PLCB1: variants seen among roughly 807,000 people sequenced by gnomAD.
PLCB1 encodes 1-phosphatidylinositol 4,5-bisphosphate phosphodiesterase beta-1.
Under a neutral mutation model 161.8 loss-of-function variants are expected in PLCB1, and 46 were observed. The observed-to-expected ratio is 0.28, with a 90% CI of 0.22 to 0.36. The LOEUF is 0.36. Ranked by LOEUF, PLCB1 falls within the 10% of genes least tolerant of loss-of-function variation. The pLI is 1.00. For synonymous variants in PLCB1, 517 were observed against 503.7 expected, an observed-to-expected ratio of 1.03 and a Z score of -0.35; for missense variants, 1,016 against 1,472.5, an observed-to-expected ratio of 0.69 and a Z score of 5.07.
chr20:8,744,914 ATG>A (rs1981090406), intron 23 of PLCB1, among the ~76,000 whole-genome samples: 1 of 152,120 alleles, frequency 6.6e-6, no homozygotes, highest in South Asian at 2.1e-4. Context: ...GGAGGATAAA[ATG>A]TACAAAAATA....
chr20:8,703,925 A>T (rs1026885140), intron 11 of PLCB1, among the ~76,000 whole-genome samples: 1 of 152,160 alleles, frequency 6.6e-6, no homozygotes, highest in African/African-American at 2.4e-5. Context: ...GGAGGGGAGG[A>T]GGGGTCTTAC....
At chr20:8,178,523 A>T (rs7261740) in intron 2 of PLCB1, among the ~76,000 whole-genome samples, 2,951 of 152,116 alleles carry the variant, frequency 0.019, 91 homozygotes, top group African/African-American at 0.065. Context: ...TAAATTTGTT[A>T]TAGATTCTGG....
At chr20:8,507,559 A>G (rs943754231) in intron 3 of PLCB1, among the ~76,000 whole-genome samples, 13 of 152,204 alleles carry the variant, frequency 8.5e-5, no homozygotes, top group African/African-American at 3.1e-4. Flanking sequence ...TCCATGTGTC[A>G]CAACCAACAG....
intron 31 of PLCB1, among the ~76,000 whole-genome samples, chr20:8,825,193 C>T (rs1392423220): frequency 6.6e-6 from 1 of 152,062 alleles, no homozygotes; most frequent in African/African-American, 2.4e-5. Flanking sequence ...TTTACCCCCC[C>T]AAAAAAGGAG....
At chr20:8,293,104 TA>T (rs527634082) in intron 2 of PLCB1, among the ~76,000 whole-genome samples, 4 of 152,070 alleles carry the variant, frequency 2.6e-5, no homozygotes, top group South Asian at 2.1e-4. Flanking sequence ...ACTGATCTCT[TA>T]AAAAAAAGTC....
chr20:8,798,187 ACT>A (rs956324322), intron 31 of PLCB1, among the ~76,000 whole-genome samples: 3 of 144,750 alleles, frequency 2.1e-5, no homozygotes, highest in Admixed American at 6.9e-5. Flanking sequence ...ACAGCGCAAG[ACT>A]CTATATCGAA....
chr20:8,729,322 TA>T, intron 18 of PLCB1, 148 bp downstream of exon 18: 3 of 542,836 alleles, frequency 5.5e-6, no homozygotes, highest in East Asian at 3.3e-5. Flanking sequence ...TATCAATGCA[TA>T]AAAAAAGTGA....
At chr20:8,776,104 T>C (rs1001671919) in intron 27 of PLCB1, among the ~76,000 whole-genome samples, 1 of 152,162 alleles carries the variant, frequency 6.6e-6, no homozygotes, top group Non-Finnish European at 1.5e-5. Flanking sequence ...TCATCCCCAG[T>C]AGTCCAGAAC....
At chr20:8,740,315 T>C in intron 21 of PLCB1, 29 bp from the exon 22 acceptor site, 1 of 1,180,748 alleles carries the variant, frequency 8.5e-7, no homozygotes, top group Non-Finnish European at 1.3e-6. Flanking sequence ...AGGAAATATG[T>C]GCTACACAGC....
At chr20:8,249,806 C>T (rs909487070) in intron 2 of PLCB1, 33 of 152,096 alleles carry the variant, frequency 2.2e-4, no homozygotes, top group African/African-American at 7.5e-4. Context: ...CCCTGAGTCT[C>T]AATTTGTTTC....
In PLCB1 at chr20:8,512,771, T is replaced by G. The variant is rs1983944614; in HGVS notation, c.247-115523T>G. ...GAGTAAATCCGACTAATATATCCATTACCTCACGTACTTATCATTTCTTTG... is the reference window on the plus strand; with the variant it reads ...GAGTAAATCCGACTAATATATCCATGACCTCACGTACTTATCATTTCTTTG... On this transcript the variant is annotated intron_variant, in intron 3 of 31. Transcript: ENST00000338037. 2.0e-5 allele frequency among the ~76,000 whole-genome samples: 3 copies of G among 152,150 alleles called. 1 individual carries two copies. The South Asian group carries it at 6.2e-4, about 32-fold the overall frequency.
At chr20:8,304,100 A>G (rs925374069) in intron 2 of PLCB1, among the ~76,000 whole-genome samples, 1 of 152,234 alleles carries the variant, frequency 6.6e-6, no homozygotes, top group Non-Finnish European at 1.5e-5. Context: ...AACACCAAAC[A>G]GTAAGTCCTG....
chr20:8,787,516 G>A (rs1983547080), intron 27 of PLCB1, among the ~76,000 whole-genome samples: 3 of 152,248 alleles, frequency 2.0e-5, no homozygotes, highest in Admixed American at 1.3e-4. Context: ...GGGAAAAGCA[G>A]TGGGGGCTTT....
intron 2 of PLCB1, among the ~76,000 whole-genome samples, chr20:8,250,212 T>C (rs1056509441): frequency 6.6e-6 from 1 of 151,910 alleles, no homozygotes; most frequent in East Asian, 1.9e-4. Context: ...AAATCTGACA[T>C]TGGGGAAGTG....
chr20:8,210,147 A>G (rs6039094), intron 2 of PLCB1, among the ~76,000 whole-genome samples: 2,761 of 152,262 alleles, frequency 0.018, 103 homozygotes, highest in African/African-American at 0.063. Flanking sequence ...TCTTAATAAG[A>G]TAAATGAGAC....
intron 2 of PLCB1, among the ~76,000 whole-genome samples, chr20:8,322,816 G>C (rs1460400903): frequency 1.3e-5 from 2 of 152,196 alleles, no homozygotes; most frequent in Non-Finnish European, 2.9e-5. Flanking sequence ...GCTTGGTAGA[G>C]TGGGCAGCTT....
intron 3 of PLCB1, among the ~76,000 whole-genome samples, chr20:8,606,070 T>G (rs1314801812): frequency 6.6e-6 from 1 of 152,210 alleles, no homozygotes; most frequent in African/African-American, 2.4e-5. Context: ...GGCACTTGGC[T>G]TGATTCCATG....
chr20:8,809,736 T>G (rs6039281), intron 31 of PLCB1, among the ~76,000 whole-genome samples: 4,025 of 152,260 alleles, frequency 0.026, 165 homozygotes, highest in African/African-American at 0.092. Context: ...ATTACCTTCT[T>G]TAAAGCTTTT....
At position 8,298,310 on chromosome 20, in the gene PLCB1, AG is replaced by A. The variant is rs1191606541; in HGVS notation, c.178-73071del. 1.9e-4 allele frequency among the ~76,000 whole-genome samples: 29 copies of A among 151,002 alleles called. 2 individuals are homozygous for A. Among genetic ancestry groups the A allele is most frequent in the African/African-American group, 6.1e-4 (25 of 41,058 alleles). ...ACTATGTCTCAAAAAAAAAAAAAAA[AG>A]ATGCAAGAACTTGAATCAAGAATAT... On this transcript the variant is annotated intron_variant, in intron 2 of 31. Coordinates refer to ENST00000338037, the MANE Select transcript of PLCB1 (RefSeq NM_015192.4).
Sources: allele counts gnomAD v4.1 joint callset (sites outside exome capture counted in the v4.1 genomes callset), GRCh38; gene constraint gnomAD v4.1.1; transcripts MANE v1.5; gene names NCBI Gene and HGNC (gene_info 2026-07-23, HGNC 2026-07-21).